The following ERI1 variants were observed in gnomAD, a reference collection of about 807,000 sequenced individuals.
The protein encoded by ERI1 is exoribonuclease 1, also known as 3'-5' exoribonuclease 1.
ERI1 carries 39 observed loss-of-function variants against 39.7 expected under a neutral mutation model. The observed-to-expected ratio is 0.98, with a 90% CI of 0.76 to 1.28. The LOEUF (loss-of-function observed/expected upper bound fraction) is 1.28, where lower values mean the gene tolerates loss of function less well. ERI1 is among the 50% of genes most tolerant of loss of function. The probability of loss-of-function intolerance (pLI) is 0.00; values close to 1 mark genes in which losing one functional copy is unlikely to be tolerated. For synonymous variants in ERI1, 204 were observed against 149.6 expected (o/e 1.36, Z -2.65); for missense variants, 581 against 416.9 (o/e 1.39, Z -3.43).
chr8:9,038,547 C>T (rs895009539), intron 3 of ERI1, among the ~76,000 whole-genome samples: 3 of 152,188 alleles, frequency 2.0e-5, no homozygotes, highest in African/African-American at 7.2e-5. Flanking sequence ...ATTGCTTGAG[C>T]TCAGTTCTGG....
chr8:9,023,841 C>G (rs887682635), intron 6 of ERI1, among the ~76,000 whole-genome samples: 6 of 130,920 alleles, frequency 4.6e-5, no homozygotes, highest in Non-Finnish European at 6.3e-5. Context: ...CTCTGTCTCC[C>G]AAGCTGGAGT....
intron 3 of ERI1, among the ~76,000 whole-genome samples, chr8:9,081,047 A>G (rs1442414683): frequency 6.6e-6 from 1 of 152,200 alleles, no homozygotes; most frequent in East Asian, 1.9e-4. Flanking sequence ...CTTAACAATC[A>G]TGGTGGAAGG....
Position 9,033,260 on chromosome 8 carries a change from G to A in ERI1, c.*3226G>A, listed in dbSNP as rs966430207. 3.9e-5 allele frequency: 6 copies of A among 152,082 alleles called. No homozygotes were observed. Among genetic ancestry groups the A allele is most frequent in the Non-Finnish European group, 8.8e-5 (6 of 68,010 alleles). 9.4% of individuals were successfully genotyped at this position (152,082 alleles called of 1,614,324 possible). On this transcript the variant is annotated 3_prime_UTR_variant, in exon 7 of 7. Coordinates refer to ENST00000250263, the MANE Select transcript of ERI1 (RefSeq NM_153332.4). ...AACTATGGTTTTTATATTCCCTTTT[G>A]TTAATGGCTCAAAATAATATTTTGT...
intron 3 of ERI1, among the ~76,000 whole-genome samples, chr8:9,068,705 C>G (rs796904953): frequency 6.6e-6 from 1 of 151,776 alleles, no homozygotes; most frequent in African/African-American, 2.4e-5. Flanking sequence ...TATTGTCTTA[C>G]TCTCTCTTCA....
intron 5 of ERI1, among the ~76,000 whole-genome samples, chr8:9,018,900 T>C (rs1817592040): frequency 1.3e-5 from 2 of 152,236 alleles, no homozygotes; most frequent in African/African-American, 4.8e-5. Context: ...TCTTGTGTTT[T>C]ACCCTGACAA....
rs1817281405 is a variant in ERI1, at chr8:9,016,316, T to G, written c.499-6T>G. ...ATTACTTTAACTTGCTATCCTTCCC[T>G]TGCAGGAAGACACGTTTCAGCAGTA... On this transcript the variant is annotated splice_polypyrimidine_tract_variant and splice_region_variant and intron_variant, in intron 3 of 6. Coordinates refer to ENST00000250263, the MANE Select transcript of ERI1 (RefSeq NM_153332.4). 2.5e-6 allele frequency: 4 copies of G among 1,577,322 alleles called. No individual in the cohort carries two copies. Among genetic ancestry groups the G allele is most frequent in the Non-Finnish European group, 3.5e-6 (4 of 1,157,562 alleles).
intron 6 of ERI1, among the ~76,000 whole-genome samples, chr8:9,022,929 C>A (rs1174451983): frequency 6.6e-6 from 1 of 152,130 alleles, no homozygotes; most frequent in African/African-American, 2.4e-5. Flanking sequence ...GTAAAAATTT[C>A]ATTACGTAGC....
chr8:9,036,605 A>T (rs1797852989), downstream of ERI1, among the ~76,000 whole-genome samples: 1 of 152,162 alleles, frequency 6.6e-6, no homozygotes, highest in African/African-American at 2.4e-5. Flanking sequence ...TACTCCCTTT[A>T]TTGCAGTGGT....
At chr8:9,025,757 C>G (rs777930989) in intron 6 of ERI1, among the ~76,000 whole-genome samples, 59 of 150,806 alleles carry the variant, frequency 3.9e-4, no homozygotes, top group Non-Finnish European at 6.8e-4. Context: ...GGTTGAGTAT[C>G]CCTAATTGGA....
intron 6 of ERI1, among the ~76,000 whole-genome samples, chr8:9,021,792 A>G (rs565790199): frequency 2.6e-4 from 35 of 132,532 alleles, no homozygotes; most frequent in Non-Finnish European, 5.0e-4. Context: ...TTTTTTTTCA[A>G]TATTATGCTT....
chr8:9,074,184 C>T (rs1224758810), intron 3 of ERI1, among the ~76,000 whole-genome samples: 2 of 152,000 alleles, frequency 1.3e-5, no homozygotes, highest in Non-Finnish European at 1.5e-5. Context: ...AATCTCGGCT[C>T]ACTGCAACCT....
chr8:9,016,848 G>T lies in ERI1; in HGVS notation c.582+443G>T, dbSNP rs564805540. Among the ~76,000 whole-genome samples the T allele has an allele frequency of 2.1e-3, 324 of 151,762 alleles. 2 individuals carry two copies. The highest frequency in any genetic ancestry group is 6.5e-3 in the African/African-American group (268 of 41,358). Reference sequence around the variant, plus strand: ...CTACAGGCGCGTTGCCACCACACCCGGCTAATTTTTTTATTTTTAGTAGAG... The same window carrying T: ...CTACAGGCGCGTTGCCACCACACCCTGCTAATTTTTTTATTTTTAGTAGAG... On this transcript the variant is annotated intron_variant, in intron 4 of 6. Coordinates refer to ENST00000250263, the MANE Select transcript of ERI1 (RefSeq NM_153332.4).
chr8:9,026,243 T>A (rs548088316), intron 6 of ERI1, among the ~76,000 whole-genome samples: 1 of 152,324 alleles, frequency 6.6e-6, no homozygotes, highest in East Asian at 1.9e-4. Flanking sequence ...TGTATAACAC[T>A]TGTTGTTCAC....
chr8:9,068,676 C>G lies in ERI1; in HGVS notation n.300-47672C>G, dbSNP rs567609589. ...CATTGTGTCTGAGTTTATCTTCTTT[C>G]TTTATCTGTGTACATATGTATTGTC... On this transcript the variant is annotated intron_variant and non_coding_transcript_variant, in intron 3 of 3. Transcript: ENST00000518663. Among the ~76,000 whole-genome samples the G allele has an allele frequency of 1.0e-3, 154 of 152,226 alleles. 1 individual carries two copies. The highest frequency in any genetic ancestry group is 3.6e-3 in the African/African-American group (149 of 41,538).
chr8:9,014,827 CTTTTGTTTTGTTTTG>C (rs111623382), intron 3 of ERI1, among the ~76,000 whole-genome samples: 2 of 151,842 alleles, frequency 1.3e-5, no homozygotes, highest in Non-Finnish European at 2.9e-5. Context: ...TTCAATTATT[CTTTTGTTTTGTTTTG>C]TTTTGTTTTT....
chr8:9,025,618 A>G (rs1384430629), intron 6 of ERI1, among the ~76,000 whole-genome samples: 1 of 152,102 alleles, frequency 6.6e-6, no homozygotes, highest in East Asian at 1.9e-4. Context: ...TAAAAACACG[A>G]TGAAGTGACT....
chr8:9,017,978 T>C (rs1817482067), intron 4 of ERI1, among the ~76,000 whole-genome samples: 3 of 152,158 alleles, frequency 2.0e-5, no homozygotes, highest in Non-Finnish European at 4.4e-5. Flanking sequence ...TTAGAAGAGA[T>C]TTCTCTTTTC....
chr8:9,033,981 C>G (rs1358396981), downstream of ERI1, among the ~76,000 whole-genome samples: 1 of 152,112 alleles, frequency 6.6e-6, no homozygotes, highest in Non-Finnish European at 1.5e-5. Context: ...CTAATGTGAC[C>G]AGCTGTAAGG....
intron 6 of ERI1, among the ~76,000 whole-genome samples, chr8:9,025,668 A>G (rs542669213): frequency 6.7e-6 from 1 of 148,984 alleles, no homozygotes; most frequent in East Asian, 2.0e-4. Flanking sequence ...TTTTTTGGGC[A>G]CTCTCTAGGA....
Sources: allele counts gnomAD v4.1 joint callset (sites outside exome capture counted in the v4.1 genomes callset), GRCh38; gene constraint gnomAD v4.1.1; transcripts MANE v1.5; gene names NCBI Gene and HGNC (gene_info 2026-07-23, HGNC 2026-07-21).